Variants in DNAH2 observed in about 807,000 individuals in gnomAD.
The protein encoded by DNAH2 is axonemal beta dynein heavy chain 2.
Under a neutral mutation model 523.5 loss-of-function variants are expected in DNAH2, and 323 were observed. The ratio of observed to expected loss-of-function variants is 0.62; its 90% confidence interval spans 0.56 to 0.68. The LOEUF (loss-of-function observed/expected upper bound fraction) is 0.68. Among genes scored for constraint, DNAH2 ranks in the 30% least tolerant of loss-of-function variants. The probability of loss-of-function intolerance (pLI) is 0.00; values close to 1 mark genes in which losing one functional copy is unlikely to be tolerated. For synonymous variants in DNAH2, 2,093 were observed against 2,177.4 expected (o/e 0.96, Z 1.08); for missense variants, 4,907 against 5,701.5 (o/e 0.86, Z 4.49).
intron 39 of DNAH2, among the ~76,000 whole-genome samples, chr17:7,782,353 C>T (rs1053354199): frequency 1.3e-5 from 2 of 152,116 alleles, no homozygotes; most frequent in Non-Finnish European, 2.9e-5. Flanking sequence ...TTCCTAACCA[C>T]ACACCAGCTC....
rs2075783042 is a variant in DNAH2 at position 7,754,564 on chromosome 17, ACAATGC to A, written c.1905-2523_1905-2518del. The A allele has an allele frequency of 6.9e-7, 1 of 1,442,648 alleles. No individual in the cohort carries two copies. The highest frequency in any genetic ancestry group is 2.3e-5 in the East Asian group (1 of 44,020). The allele number at this position is 1,442,648 out of a possible 1,614,324, so 89.4% of individuals were successfully genotyped here. A position where few individuals can be genotyped will look rare whatever the true frequency, so the allele number is the denominator to read the frequency against. On this transcript the variant is annotated intron_variant, in intron 12 of 85. Coordinates refer to ENST00000572933, the MANE Select transcript of DNAH2 (RefSeq NM_020877.5). This position sits in a 1 kb window ranked among gnomAD's most constrained non-coding sequence, Gnocchi z 4.6. Reference sequence around the variant, plus strand: ...AAGGGCCTAAAGAAGATGCACACCAACAATGCCAAGGCCATGAGTCCACGTGCCGAG... The same window carrying A: ...AAGGGCCTAAAGAAGATGCACACCAACAAGGCCATGAGTCCACGTGCCGAG...
intron 3 of DNAH2, among the ~76,000 whole-genome samples, chr17:7,726,312 T>C (rs2074809168): frequency 6.7e-6 from 1 of 148,894 alleles, no homozygotes; most frequent in Non-Finnish European, 1.5e-5. Context: ...AGCTAATTTT[T>C]TTTTTTTTTG....
At chr17:7,799,733 G>A (rs1207917703) in intron 56 of DNAH2, among the ~76,000 whole-genome samples, 3 of 152,234 alleles carry the variant, frequency 2.0e-5, no homozygotes, top group Non-Finnish European at 2.9e-5. Flanking sequence ...CAGGAGAATC[G>A]CTTGAACCCG....
intron 16 of DNAH2, 40 bp downstream of exon 16, chr17:7,759,650 A>G (rs762165566): frequency 6.2e-7 from 1 of 1,604,214 alleles, no homozygotes; most frequent in Non-Finnish European, 8.5e-7. Context: ...AAACCATTGC[A>G]TCTTATTTGT....
chr17:7,734,622 A>G lies in DNAH2; in HGVS notation c.892A>G (p.Lys298Glu). The G allele has an allele frequency of 6.2e-7, 1 of 1,613,234 alleles. No homozygotes were observed. Among genetic ancestry groups the G allele is most frequent in the Non-Finnish European group, 8.5e-7 (1 of 1,179,896 alleles). ...TGGCATCAGTAAGCAGCTGGTGAAG[A>G]AGGGAGTGAAGCACGTTGAATCCAT... ...LSGISKQLVK[K>E]GVKHVESILH... is the part of the protein sequence containing the mutation. Residue 298 changes from lysine (K) to glutamate (E), a missense_variant, in exon 7 of 86, where the codon AAG becomes GAG. Transcript: ENST00000572933.
rs183578408 is a variant in DNAH2 at position 7,805,450 on chromosome 17, C to T, written c.9442+57C>T. 80 of 1,607,732 alleles carry T rather than the reference C, an allele frequency of 5.0e-5. No individual in the cohort carries two copies. The East Asian group carries it at 5.8e-4, about 12-fold the overall frequency. On this transcript the variant is annotated intron_variant, in intron 61 of 85. Transcript: ENST00000572933. Reference sequence around the variant, plus strand: ...CACTCACCCAGTGTTTATTGATCGTCGGCTGTGCAGCAGACACTCAGAAAG... The same window carrying T: ...CACTCACCCAGTGTTTATTGATCGTTGGCTGTGCAGCAGACACTCAGAAAG...
In DNAH2 at chr17:7,795,203, A is replaced by G. The variant is rs557562094; in HGVS notation, c.7674+845A>G. 4.2e-4 allele frequency among the ~76,000 whole-genome samples: 64 copies of G among 152,308 alleles called. 1 individual carries two copies. Among genetic ancestry groups the G allele is most frequent in the African/African-American group, 1.4e-3 (59 of 41,560 alleles). The stretch of plus-strand genomic sequence containing the variant: ...ATTTTTTAAAATTAAAATTAATGCC[A>G]ATAATTTATGATGAGCAAAATACCA... On this transcript the variant is annotated intron_variant, in intron 49 of 85. Transcript: ENST00000572933.
chr17:7,740,086 A>C, intron 9 of DNAH2, 148 bp downstream of exon 9: 3 of 133,006 alleles, frequency 2.3e-5, no homozygotes, highest in Non-Finnish European at 2.5e-5. Flanking sequence ...GACAGGAGAG[A>C]GTGCAGGGGA....
intron 12 of DNAH2, among the ~76,000 whole-genome samples, chr17:7,751,248 A>G (rs2075675550): frequency 6.6e-6 from 1 of 151,508 alleles, no homozygotes; most frequent in Non-Finnish European, 1.5e-5. Context: ...GGTTCAAGCG[A>G]TTTCTGGCTA....
chr17:7,775,061 C>CCTTTTGGGAGGGCAGGGTCCCCT, intron 29 of DNAH2, 85 bp downstream of exon 29: 1 of 1,393,968 alleles, frequency 7.2e-7, no homozygotes, highest in Non-Finnish European at 9.9e-7. Context: ...ACCCTGCCCT[C>CCTTTTGGGAGGGCAGGGTCCCCT]CCAAAAGGAG....
At chr17:7,744,404 G>A (rs1421857357) in intron 12 of DNAH2, among the ~76,000 whole-genome samples, 1 of 151,984 alleles carries the variant, frequency 6.6e-6, no homozygotes, top group Non-Finnish European at 1.5e-5. Context: ...GACTGTGAGT[G>A]TTTGTCCTGG....
chr17:7,732,016 C>T (rs1374815297), intron 4 of DNAH2, among the ~76,000 whole-genome samples: 3 of 121,444 alleles, frequency 2.5e-5, no homozygotes, highest in South Asian at 3.1e-4. Context: ...GCAACAACAG[C>T]GAAACTTCGT....
At position 7,778,396 on chromosome 17, in the gene DNAH2, A is replaced by G. The variant is rs1480670245; in HGVS notation, c.5468A>G (p.Tyr1823Cys). 3 of 1,614,164 alleles carry G rather than the reference A, an allele frequency of 1.9e-6. No homozygotes were observed. The highest frequency in any genetic ancestry group is 3.3e-5 in the Admixed American group (2 of 60,028). Residue 1823 changes from tyrosine to cysteine, a missense_variant, in exon 35 of 86, where the codon TAT (tyrosine) becomes TGT (cysteine). This residue lies in a region of DNAH2 where 2,806 missense variants were observed against 3,190.8 expected (regional missense o/e 0.88). Coordinates refer to ENST00000572933, the MANE Select transcript of DNAH2 (RefSeq NM_020877.5). ...GACCTGGGCAAGGCCCTGGGCATAT[A>G]TGTCATTGTGGTCAACTGCTCTGAG... is the stretch of plus-strand genomic sequence containing the variant. ...VKDLGKALGI[Y>C]VIVVNCSEGL...
intron 21 of DNAH2, 85 bp downstream of exon 21, chr17:7,765,650 C>T: frequency 2.0e-6 from 3 of 1,493,726 alleles, no homozygotes; most frequent in Non-Finnish European, 2.7e-6. Context: ...AAGGCGAGAA[C>T]TGGGAGGGGA....
rs57294591 is a variant in DNAH2, at chr17:7,724,742, C to CTTTTTTT, written c.228+1062_228+1068dup. ...ATAATCCTAACTTTATCATATGTTA[C>CTTTTTTT]TTTTTTTTTTTTTTTCTGAGATGGA... On this transcript the variant is annotated intron_variant, in intron 3 of 85. Transcript: ENST00000572933. Among the ~76,000 whole-genome samples the CTTTTTTT allele has an allele frequency of 1.2e-3, 150 of 130,418 alleles. 10 individuals carry two copies. Among genetic ancestry groups the CTTTTTTT allele is most frequent in the African/African-American group, 2.7e-3 (97 of 35,666 alleles). The allele number at this position is 130,418 out of a possible 152,430, so 85.6% of individuals were successfully genotyped here.
rs182363758 is a variant in DNAH2 at position 7,776,426 on chromosome 17, G to A, written c.4947+277G>A. ...GGTTGTAGTGAGCCGAGATTGTGCCGCTGCACTCCAGCCTGGGTGACAAAG... is the reference window on the plus strand; with the variant it reads ...GGTTGTAGTGAGCCGAGATTGTGCCACTGCACTCCAGCCTGGGTGACAAAG... On this transcript the variant is annotated intron_variant, in intron 31 of 85. Coordinates refer to ENST00000572933, the MANE Select transcript of DNAH2 (RefSeq NM_020877.5). Among the ~76,000 whole-genome samples the A allele has an allele frequency of 9.7e-4, 148 of 152,104 alleles. 2 individuals carry two copies. The highest frequency in any genetic ancestry group is 8.7e-3 in the Admixed American group (133 of 15,276).
At chr17:7,757,005 C>A in intron 12 of DNAH2, 86 bp from the exon 13 acceptor site, 1 of 1,567,674 alleles carries the variant, frequency 6.4e-7, no homozygotes, top group African/African-American at 1.4e-5. Context: ...TTTCCCTGTG[C>A]TTCCCAGCCT....
intron 12 of DNAH2, among the ~76,000 whole-genome samples, chr17:7,750,033 C>T (rs2075641141): frequency 6.6e-6 from 1 of 151,930 alleles, no homozygotes; most frequent in Non-Finnish European, 1.5e-5. Context: ...ATCGTTATTA[C>T]TATTATTATT....
chr17:7,808,799 G>A (rs558861554), intron 63 of DNAH2, among the ~76,000 whole-genome samples: 256 of 152,268 alleles, frequency 1.7e-3, no homozygotes, highest in Non-Finnish European at 3.0e-3. Flanking sequence ...TAGTAGAGAC[G>A]GGGTTTTGCC....
Sources: allele counts gnomAD v4.1 joint callset (sites outside exome capture counted in the v4.1 genomes callset), GRCh38; gene constraint gnomAD v4.1.1; regional missense constraint gnomAD v4.1.1; non-coding constraint Gnocchi (gnomAD v3.1); transcripts MANE v1.5; gene names NCBI Gene and HGNC (gene_info 2026-07-23, HGNC 2026-07-21).